Variants in ALMS1 observed in about 807,000 individuals in gnomAD.
ALMS1 encodes ALMS1 centrosome and basal body associated protein.
Under a neutral mutation model 352.2 loss-of-function variants are expected in ALMS1, and 271 were observed. The observed-to-expected ratio is 0.77, with a 90% CI of 0.70 to 0.85. The LOEUF (loss-of-function observed/expected upper bound fraction) is 0.85. Ranked by LOEUF, ALMS1 falls within the 40% of genes least tolerant of loss-of-function variation. The pLI is 0.00. For missense variants in ALMS1, 5,445 were observed against 4,870.7 expected (o/e 1.12, Z -3.51); for synonymous variants, 1,865 against 1,761.2 (o/e 1.06, Z -1.48).
chr2:73,407,411 G>C (rs1572903871), intron 1 of ALMS1, among the ~76,000 whole-genome samples: 1 of 152,198 alleles, frequency 6.6e-6, no homozygotes, highest in South Asian at 2.1e-4. Context: ...AGAGGGGACA[G>C]ATACTCAAAT....
intron 16 of ALMS1, chr2:73,573,685 A>C: frequency 3.3e-6 from 2 of 610,802 alleles, no homozygotes; most frequent in Non-Finnish European, 5.8e-6. Context: ...TTTACCCCTG[A>C]AATGGGGGAG....
intron 9 of ALMS1, among the ~76,000 whole-genome samples, chr2:73,461,814 GC>G (rs1393359687): frequency 6.6e-6 from 1 of 152,184 alleles, no homozygotes; most frequent in Non-Finnish European, 1.5e-5. Context: ...GAATGCAGAA[GC>G]CTCAGGAGCT....
chr2:73,493,357 A>C (rs1673031808), intron 10 of ALMS1, among the ~76,000 whole-genome samples: 1 of 151,508 alleles, frequency 6.6e-6, no homozygotes, highest in Non-Finnish European at 1.5e-5. Flanking sequence ...ACACACACAC[A>C]CACACACACA....
chr2:73,569,661 A>G (rs999683671), intron 15 of ALMS1, among the ~76,000 whole-genome samples: 1 of 152,132 alleles, frequency 6.6e-6, no homozygotes, highest in East Asian at 1.9e-4. Context: ...TTGCTACCTT[A>G]CTTTCCTCTG....
At chr2:73,456,874 A>G (rs906616076) in intron 9 of ALMS1, 2 of 152,168 alleles carry the variant, frequency 1.3e-5, no homozygotes, top group African/African-American at 2.4e-5. Flanking sequence ...GTGTTTCCCT[A>G]TTTTTAAAAA....
intron 2 of ALMS1, among the ~76,000 whole-genome samples, chr2:73,414,473 GT>G (rs61660489): frequency 0.34 from 22,271 of 66,306 alleles, 1,550 homozygotes; most frequent in Admixed American, 0.37. Context: ...CTTTTTTTCC[GT>G]TTTTTTTTTT....
intron 9 of ALMS1, chr2:73,456,682 A>G (rs1052758804): frequency 2.0e-5 from 3 of 152,204 alleles, no homozygotes; most frequent in African/African-American, 7.2e-5. Context: ...AAAAGTTTGA[A>G]AAGTACAAAT....
chr2:73,397,386 T>C (rs1475854693), intron 1 of ALMS1, among the ~76,000 whole-genome samples: 2 of 135,232 alleles, frequency 1.5e-5, no homozygotes, highest in East Asian at 3.9e-4. Context: ...TTTGTTCAGC[T>C]TTTTTTTTTT....
chr2:73,564,322 C>T (rs1023990647), intron 15 of ALMS1, among the ~76,000 whole-genome samples: 5 of 151,782 alleles, frequency 3.3e-5, no homozygotes, highest in Admixed American at 6.6e-5. Context: ...AAAATATAGC[C>T]GGGCATGGCG....
chr2:73,476,189 T>G (rs1405843757), intron 9 of ALMS1, among the ~76,000 whole-genome samples: 1 of 152,076 alleles, frequency 6.6e-6, no homozygotes, highest in Non-Finnish European at 1.5e-5. Flanking sequence ...AGTAGTATAT[T>G]CTTAAAATTC....
At chr2:73,442,688 A>G (rs867988968) in intron 7 of ALMS1, among the ~76,000 whole-genome samples, 2 of 152,326 alleles carry the variant, frequency 1.3e-5, no homozygotes, top group East Asian at 1.9e-4. Flanking sequence ...AGCATCAGGT[A>G]GTGACATAGT....
intron 15 of ALMS1, among the ~76,000 whole-genome samples, chr2:73,570,021 A>T (rs900821003): frequency 1.3e-5 from 2 of 152,212 alleles, no homozygotes; most frequent in African/African-American, 2.4e-5. Context: ...CCTATTAGAG[A>T]CTTGCAGTAT....
At position 73,450,818 on chromosome 2, in the gene ALMS1, C is replaced by T. The variant is rs771852276; in HGVS notation, c.4291C>T (p.His1431Tyr). 6.2e-7 allele frequency: 1 copy of T among 1,614,040 alleles called. No homozygotes were observed. The highest frequency in any genetic ancestry group is 1.1e-5 in the South Asian group (1 of 91,076). ...IPTLPSTFYS[H>Y]TEKPGSFYQQ... ...AACTTTACCCTCTACTTTCTACTCA[C>T]ACACAGAGAAGCCTGGTAGTTTCTA... The change falls in exon 8 of 23, where the codon CAC (histidine) becomes TAC (tyrosine). Residue 1431 changes from histidine (H) to tyrosine (Y), a missense_variant. By Grantham distance (83) the His-to-Tyr change is moderately conservative. Transcript: ENST00000613296.
Position 73,581,989 on chromosome 2 carries a change from G to A in ALMS1, c.11547+8565G>A, listed in dbSNP as rs1486023791. Among the ~76,000 whole-genome samples, 8 of 152,138 alleles carry A rather than the reference G, an allele frequency of 5.3e-5. No homozygotes were observed. The East Asian group carries it at 5.8e-4, about 11-fold the overall frequency. On this transcript the variant is annotated intron_variant, in intron 16 of 22. Transcript: ENST00000613296. ...GATCTCCTGACCTCGTGATCTGTCC[G>A]CCTTGGCCTCCCAAAATGCTGGGAT...
chr2:73,529,894 C>G (rs1377644181), intron 11 of ALMS1, among the ~76,000 whole-genome samples: 1 of 152,056 alleles, frequency 6.6e-6, no homozygotes, highest in Non-Finnish European at 1.5e-5. Context: ...GGATAACTGC[C>G]ACGTTAAAAC....
chr2:73,604,127 GA>G (rs1412217734), intron 21 of ALMS1: 1 of 152,176 alleles, frequency 6.6e-6, no homozygotes. Context: ...CTGGAAGACA[GA>G]AAAAACTGGT....
chr2:73,485,185 T>G lies in ALMS1; in HGVS notation c.7675-4449T>G, dbSNP rs566761009. 9.6e-3 allele frequency among the ~76,000 whole-genome samples: 1,458 copies of G among 152,316 alleles called. 21 individuals are homozygous for G. Among genetic ancestry groups the G allele is most frequent in the African/African-American group, 0.033 (1,385 of 41,556 alleles). ...AGAGTTTCCAGTTTTTCTGCTCTGT[T>G]TTTTCCCCATCTTTGTGGTTTTATC... On this transcript the variant is annotated intron_variant, in intron 9 of 22. Coordinates refer to ENST00000613296, the MANE Select transcript of ALMS1 (RefSeq NM_001378454.1).
intron 6 of ALMS1, among the ~76,000 whole-genome samples, chr2:73,430,446 G>T (rs1671477319): frequency 6.6e-6 from 1 of 152,110 alleles, no homozygotes; most frequent in South Asian, 2.1e-4. Flanking sequence ...CGTCAAGCTT[G>T]TAATAAAAAT....
rs186030372 is a variant in ALMS1, at chr2:73,424,316, A to G, written c.765-114A>G. 71 of 716,992 alleles carry G rather than the reference A, an allele frequency of 9.9e-5. No homozygotes were observed. The East Asian group carries it at 1.3e-3, about 13-fold the overall frequency. 44.4% of individuals were successfully genotyped at this position (716,992 alleles called of 1,614,324 possible). A position where few individuals can be genotyped will look rare whatever the true frequency, so the allele number is the denominator to read the frequency against. On this transcript the variant is annotated intron_variant, in intron 4 of 22. Coordinates refer to ENST00000613296, the MANE Select transcript of ALMS1 (RefSeq NM_001378454.1). Reference sequence around the variant, plus strand: ...GAAATTAGGAGAGCTGTGTTTTTCAATACACTTTTCAAATAAACTTGATTT... The same window carrying G: ...GAAATTAGGAGAGCTGTGTTTTTCAGTACACTTTTCAAATAAACTTGATTT...
Sources: allele counts gnomAD v4.1 joint callset (sites outside exome capture counted in the v4.1 genomes callset), GRCh38; gene constraint gnomAD v4.1.1; transcripts MANE v1.5; gene names NCBI Gene and HGNC (gene_info 2026-07-23, HGNC 2026-07-21).